Variants in RIC8B observed in about 807,000 individuals in gnomAD.
RIC8B encodes the protein chaperone Ric-8B.
In RIC8B, 16 loss-of-function variants were observed where a neutral mutation model predicts 57.5. The ratio of observed to expected loss-of-function variants is 0.28; its 90% CI spans 0.19 to 0.42. The LOEUF (loss-of-function observed/expected upper bound fraction) is 0.42. RIC8B is among the 10% of genes least tolerant of loss of function. The pLI is 1.00. For missense variants in RIC8B, 481 were observed against 677.0 expected, an observed-to-expected ratio of 0.71 and a Z score of 3.21; for synonymous variants, 216 against 250.8, an observed-to-expected ratio of 0.86 and a Z score of 1.31.
intron 6 of RIC8B, 111 bp from the exon 7 acceptor site, chr12:106,851,339 T>TTCA: frequency 6.6e-6 from 2 of 302,506 alleles, no homozygotes; most frequent in African/African-American, 2.5e-5. Flanking sequence ...TTTTTTTTGC[T>TTCA]CCTACAATAC....
chr12:106,794,773 A>G (rs1448387878), intron 2 of RIC8B, among the ~76,000 whole-genome samples: 1 of 152,250 alleles, frequency 6.6e-6, no homozygotes, highest in East Asian at 1.9e-4. Flanking sequence ...GACTTAATAA[A>G]ACAAGTTCTT....
At chr12:106,788,347 G>A (rs1053504474) in intron 2 of RIC8B, among the ~76,000 whole-genome samples, 51 of 152,180 alleles carry the variant, frequency 3.4e-4, no homozygotes, top group African/African-American at 1.1e-3. Flanking sequence ...CAGGGTGCAA[G>A]CTGTCAGTGA....
intron 4 of RIC8B, among the ~76,000 whole-genome samples, chr12:106,839,495 T>C (rs937354742): frequency 1.3e-5 from 2 of 152,148 alleles, no homozygotes. Flanking sequence ...TAGTGAAGCT[T>C]GTAGAACTAG....
chr12:106,820,533 T>C (rs2045792055), intron 3 of RIC8B, among the ~76,000 whole-genome samples: 1 of 152,236 alleles, frequency 6.6e-6, no homozygotes, highest in Admixed American at 6.5e-5. Context: ...GAGCATGTTA[T>C]TCTAGGGACT....
rs557108377 is a variant in RIC8B, at chr12:106,888,685, G to C, written c.*2670G>C. 6.5e-6 allele frequency: 1 copy of C among 152,796 alleles called. No homozygotes were observed. Among genetic ancestry groups the C allele is most frequent in the Non-Finnish European group, 1.5e-5 (1 of 68,054 alleles). The allele number at this position is 152,796 out of a possible 1,614,324, so 9.5% of individuals were successfully genotyped here. On this transcript the variant is annotated 3_prime_UTR_variant, in exon 10 of 10. Transcript: ENST00000392837. ...GGGAAGTGACCTGAAGTGGAAGTATGAGTGGGAAACTTGCATGGTCAGCAC... is the reference window on the plus strand; with the variant it reads ...GGGAAGTGACCTGAAGTGGAAGTATCAGTGGGAAACTTGCATGGTCAGCAC...
chr12:106,785,712 G>T (rs1226625197), intron 2 of RIC8B, among the ~76,000 whole-genome samples: 1 of 151,444 alleles, frequency 6.6e-6, no homozygotes, highest in African/African-American at 2.4e-5. Flanking sequence ...TTTCAAAATA[G>T]CCCTGCTCAG....
chr12:106,786,690 T>C (rs1218969174), intron 2 of RIC8B, among the ~76,000 whole-genome samples: 2 of 152,182 alleles, frequency 1.3e-5, no homozygotes, highest in South Asian at 2.1e-4. Context: ...TGGAAACAAG[T>C]GTCCAGCATT....
chr12:106,801,919 C>G (rs1241484044), intron 2 of RIC8B, among the ~76,000 whole-genome samples: 1 of 152,172 alleles, frequency 6.6e-6, no homozygotes, highest in Non-Finnish European at 1.5e-5. Flanking sequence ...CTTGTTCCCC[C>G]CTACATACAC....
At chr12:106,857,078 C>T (rs190004296) in intron 7 of RIC8B, among the ~76,000 whole-genome samples, 4 of 152,238 alleles carry the variant, frequency 2.6e-5, no homozygotes, top group East Asian at 1.9e-4. Flanking sequence ...GGCCAGAAAA[C>T]GAGCCCTTTA....
At chr12:106,792,939 C>G (rs1293142791) in intron 2 of RIC8B, among the ~76,000 whole-genome samples, 1 of 152,220 alleles carries the variant, frequency 6.6e-6, no homozygotes, top group African/African-American at 2.4e-5. Flanking sequence ...CCCTTTCCCT[C>G]TAGTCCCAGT....
At chr12:106,792,378 T>G (rs1216882066) in intron 2 of RIC8B, among the ~76,000 whole-genome samples, 1 of 152,242 alleles carries the variant, frequency 6.6e-6, no homozygotes, top group African/African-American at 2.4e-5. Flanking sequence ...AGTCTATACA[T>G]GATCGTTGGA....
intron 6 of RIC8B, 45 bp downstream of exon 6, chr12:106,843,992 G>A: frequency 1.6e-6 from 2 of 1,285,618 alleles, no homozygotes; most frequent in Non-Finnish European, 2.3e-6. Context: ...GTCTTTTTAT[G>A]TGCATTTTAA....
At chr12:106,831,065 C>T (rs929646596) in intron 4 of RIC8B, among the ~76,000 whole-genome samples, 1 of 152,170 alleles carries the variant, frequency 6.6e-6, no homozygotes, top group African/African-American at 2.4e-5. Flanking sequence ...TCTAAGTCCT[C>T]TTATAGATTT....
intron 3 of RIC8B, chr12:106,822,831 AT>A (rs1379783724): frequency 1.3e-5 from 2 of 152,650 alleles, no homozygotes; most frequent in Non-Finnish European, 2.9e-5. Flanking sequence ...AGTAGTGTGA[AT>A]GAATCTCACA....
rs1012961972 is a variant in RIC8B, at chr12:106,798,866, C to T, written c.132+14822C>T. ...ATTCCTTCAGTCTTTTAGCACATAG[C>T]TTAAATTGCTGTCTATTGAAATTTA... is the stretch of plus-strand genomic sequence containing the variant. On this transcript the variant is annotated intron_variant, in intron 2 of 9. Coordinates refer to ENST00000392837, the MANE Select transcript of RIC8B (RefSeq NM_001330145.2). Among the ~76,000 whole-genome samples, 7 of 152,090 alleles carry T rather than the reference C, an allele frequency of 4.6e-5. 1 individual carries two copies. Among genetic ancestry groups the T allele is most frequent in the Non-Finnish European group, 8.8e-5 (6 of 68,024 alleles).
chr12:106,786,584 C>T lies in RIC8B; in HGVS notation c.132+2540C>T, dbSNP rs563525602. On this transcript the variant is annotated intron_variant, in intron 2 of 9. Coordinates refer to ENST00000392837, the MANE Select transcript of RIC8B (RefSeq NM_001330145.2). ...TTACAGATACGTTTTACTCTTTCAC[C>T]AAGAAGTGTCTCTTTTAGAAATCTA... Among the ~76,000 whole-genome samples the T allele has an allele frequency of 8.7e-4, 133 of 152,200 alleles. 4 individuals are homozygous for T. The South Asian group carries it at 0.013, about 14-fold the overall frequency.
chr12:106,803,215 C>CAAAAAA (rs55853235), intron 2 of RIC8B, among the ~76,000 whole-genome samples: 19 of 84,006 alleles, frequency 2.3e-4, no homozygotes, highest in African/African-American at 9.4e-4. Context: ...TACCCTGTCT[C>CAAAAAA]AAAAAAAAAA....
intron 2 of RIC8B, among the ~76,000 whole-genome samples, chr12:106,796,113 G>A (rs1207716666): frequency 6.6e-6 from 1 of 152,184 alleles, no homozygotes; most frequent in Admixed American, 6.5e-5. Context: ...ATACCTTTTA[G>A]AAACCCAGGT....
At chr12:106,839,309 T>C (rs2046762697) in intron 4 of RIC8B, among the ~76,000 whole-genome samples, 1 of 152,240 alleles carries the variant, frequency 6.6e-6, no homozygotes, top group South Asian at 2.1e-4. Flanking sequence ...AAAATGTGCG[T>C]ATATATGTAT....
Sources: gnomAD v4.1 joint callset for allele counts (sites outside exome capture counted in the v4.1 genomes callset) on GRCh38, gnomAD v4.1.1 for gene constraint, MANE v1.5 for transcripts, NCBI Gene and HGNC (gene_info 2026-07-23, HGNC 2026-07-21) for gene names.